INPP4A: variants seen among roughly 807,000 people sequenced by gnomAD.
INPP4A encodes the protein inositol polyphosphate-4-phosphatase type I A.
INPP4A carries 33 observed loss-of-function variants against 119.8 expected under a neutral mutation model. The ratio of observed to expected loss-of-function variants is 0.28; its 90% CI spans 0.21 to 0.37. The LOEUF (loss-of-function observed/expected upper bound fraction) is 0.37. INPP4A is among the 10% of genes least tolerant of loss of function. The pLI, the probability that INPP4A is intolerant of heterozygous loss-of-function variation, is 1.00. For synonymous variants in INPP4A, 496 were observed against 500.7 expected (o/e 0.99, Z 0.12); for missense variants, 956 against 1,289.9 (o/e 0.74, Z 3.97).
intron 1 of INPP4A, among the ~76,000 whole-genome samples, chr2:98,460,224 A>G (rs747814832): frequency 3.9e-5 from 6 of 152,146 alleles, no homozygotes; most frequent in Non-Finnish European, 7.4e-5. Flanking sequence ...AGAGAAGCCT[A>G]GTAGGGTAGG....
chr2:98,509,615 G>A (rs1684752973), intron 1 of INPP4A, among the ~76,000 whole-genome samples: 1 of 152,228 alleles, frequency 6.6e-6, no homozygotes, highest in African/African-American at 2.4e-5. Flanking sequence ...TGAAGAAAGA[G>A]TGGCTGAAGT....
intron 1 of INPP4A, among the ~76,000 whole-genome samples, chr2:98,498,568 C>T (rs548876151): frequency 6.6e-6 from 1 of 151,898 alleles, no homozygotes; most frequent in Non-Finnish European, 1.5e-5. Flanking sequence ...GCAACACTCA[C>T]CAATTCAGGT....
intron 1 of INPP4A, among the ~76,000 whole-genome samples, chr2:98,492,051 A>G (rs1430339200): frequency 6.6e-6 from 1 of 152,052 alleles, no homozygotes; most frequent in African/African-American, 2.4e-5. Flanking sequence ...CACCATGCCC[A>G]GCTAATTTTT....
At chr2:98,524,024 G>A (rs542995933) in intron 4 of INPP4A, among the ~76,000 whole-genome samples, 1 of 152,076 alleles carries the variant, frequency 6.6e-6, no homozygotes, top group Non-Finnish European at 1.5e-5. Context: ...GGATCTGCTT[G>A]ATCATTTTAA....
chr2:98,460,679 C>T (rs1045897699), intron 1 of INPP4A, among the ~76,000 whole-genome samples: 2 of 152,210 alleles, frequency 1.3e-5, no homozygotes, highest in Non-Finnish European at 2.9e-5. Flanking sequence ...TGTCTCCGCT[C>T]TGTGTTGGCT....
intron 1 of INPP4A, among the ~76,000 whole-genome samples, chr2:98,513,413 G>T (rs1185946522): frequency 6.6e-6 from 1 of 152,200 alleles, no homozygotes; most frequent in Non-Finnish European, 1.5e-5. Context: ...ATTAAAAGTT[G>T]ATTCATAGCA....
In INPP4A at chr2:98,555,543, G is replaced by T. The variant is rs765317242; in HGVS notation, c.1567-10G>T. ...AGAGCTGACCCACATGGGCCCCTTT[G>T]ATTTGGAAGGAGAAAGTGTGGCTGA... On this transcript the variant is annotated splice_polypyrimidine_tract_variant and intron_variant, in intron 15 of 24. Coordinates refer to ENST00000409851, the MANE Select transcript of INPP4A (RefSeq NM_001134225.2). The T allele has an allele frequency of 1.9e-6, 3 of 1,588,944 alleles. No homozygotes were observed. The highest frequency in any genetic ancestry group is 2.2e-5 in the East Asian group (1 of 44,542).
rs1002778449 is a variant in INPP4A at position 98,554,463 on chromosome 2, C to A, written c.1540C>A (p.Gln514Lys). 1 of 1,613,660 alleles carries A rather than the reference C, an allele frequency of 6.2e-7. No homozygotes were observed. The highest frequency in any genetic ancestry group is 8.5e-7 in the Non-Finnish European group (1 of 1,179,840). Residue 514 changes from glutamine to lysine, a missense_variant, in exon 15 of 25, where the codon CAG becomes AAG. Physicochemically the swap from Gln to Lys is moderately conservative, Grantham distance 53. Transcript: ENST00000409851. The surrounding 1 kb of genome is among the most constrained non-coding windows in gnomAD (Gnocchi z 4.7). ...AGGGAGAAACAGCCGATCTTCCCTG[C>A]AGGTGGACTGGCACGAGGAGGAGTG... ...WTGRNSRSSL[Q>K]VDWHEEEWEK...
At chr2:98,469,042 C>G (rs562342422) in intron 1 of INPP4A, among the ~76,000 whole-genome samples, 1 of 152,312 alleles carries the variant, frequency 6.6e-6, no homozygotes, top group East Asian at 1.9e-4. Context: ...CTGTACCTTA[C>G]CATCACCTAG....
intron 1 of INPP4A, among the ~76,000 whole-genome samples, chr2:98,507,178 T>C (rs1430560870): frequency 6.6e-6 from 1 of 152,222 alleles, no homozygotes; most frequent in Non-Finnish European, 1.5e-5. Context: ...GAGGATGTAG[T>C]GTCAAGGTTA....
At chr2:98,444,767 T>A (rs1693854636), upstream of INPP4A, 1 of 149,968 alleles carries the variant, frequency 6.7e-6, no homozygotes, top group East Asian at 2.0e-4. Flanking sequence ...CAGCTCGGGC[T>A]GGTAGTGGGG....
chr2:98,523,727 T>A (rs1687677486), intron 4 of INPP4A, among the ~76,000 whole-genome samples: 1 of 152,184 alleles, frequency 6.6e-6, no homozygotes, highest in Non-Finnish European at 1.5e-5. Flanking sequence ...GAGTGGGAGC[T>A]GGATTATTGA....
Position 98,546,742 on chromosome 2 carries a change from T to G in INPP4A, c.1163+48T>G, listed in dbSNP as rs375967002. 1.8e-6 allele frequency: 2 copies of G among 1,132,592 alleles called. No homozygotes were observed. Among genetic ancestry groups the G allele is most frequent in the African/African-American group, 1.5e-5 (1 of 65,050 alleles). The allele number at this position is 1,132,592 out of a possible 1,614,324, so 70.2% of individuals were successfully genotyped here. A position where few individuals can be genotyped will look rare whatever the true frequency, so the allele number is the denominator to read the frequency against. On this transcript the variant is annotated intron_variant, in intron 13 of 24. Transcript: ENST00000409851. The surrounding 1 kb of genome is among the most constrained non-coding windows in gnomAD (Gnocchi z 4.2). ...TGGTCCTTGTACAGCTTTCTGATGC[T>G]TCTTTTCTCAGTTTAAAATAAAATC...
intron 4 of INPP4A, among the ~76,000 whole-genome samples, chr2:98,530,049 C>A (rs1250446893): frequency 6.6e-6 from 1 of 152,098 alleles, no homozygotes; most frequent in East Asian, 1.9e-4. Context: ...CAGAAGAATT[C>A]TTTCCAGAGG....
intron 1 of INPP4A, among the ~76,000 whole-genome samples, chr2:98,488,564 C>T (rs1037449221): frequency 6.6e-6 from 1 of 152,200 alleles, no homozygotes; most frequent in Non-Finnish European, 1.5e-5. Flanking sequence ...GTCACTCACC[C>T]TCTCACCAGC....
In INPP4A at chr2:98,566,170, G is replaced by GTGC; in HGVS notation, c.2420+2_2420+4dup. ...ATGAGCAGCAGACACTGGCCGAGAGGTGCGTGCCGGCTCCTCGGGGCTGCG... is the reference window on the plus strand; with the variant it reads ...ATGAGCAGCAGACACTGGCCGAGAGGTGCTGCGTGCCGGCTCCTCGGGGCTGCG... On this transcript the variant is annotated splice_donor_variant, in intron 21 of 24. Transcript: ENST00000409851. LOFTEE classifies it high-confidence loss of function. This position sits in a 1 kb window ranked among gnomAD's most constrained non-coding sequence, Gnocchi z 4.2. 6.3e-7 allele frequency: 1 copy of GTGC among 1,584,970 alleles called. No individual in the cohort carries two copies. The highest frequency in any genetic ancestry group is 8.6e-7 in the Non-Finnish European group (1 of 1,161,958).
intron 11 of INPP4A, 31 bp downstream of exon 11, chr2:98,544,038 C>T (rs370532915): frequency 2.6e-5 from 40 of 1,534,056 alleles, no homozygotes; most frequent in Admixed American, 4.0e-5. Context: ...TCACCACACA[C>T]GCGTGCGCAC....
At chr2:98,522,534 T>C (rs1687416005) in intron 4 of INPP4A, among the ~76,000 whole-genome samples, 1 of 151,760 alleles carries the variant, frequency 6.6e-6, no homozygotes, top group Non-Finnish European at 1.5e-5. Flanking sequence ...GAAATAGAAA[T>C]GGAAATTTTG....
chr2:98,552,782 C>G lies in INPP4A; in HGVS notation c.1164-4C>G. On this transcript the variant is annotated splice_polypyrimidine_tract_variant and splice_region_variant and intron_variant, in intron 13 of 24. Transcript: ENST00000409851. The stretch of plus-strand genomic sequence containing the variant: ...CCCTTAGAATCCATTCTTATCCTTT[C>G]CAGTACATCATCTGGCTGCCAGTCC... 3 of 1,608,338 alleles carry G rather than the reference C, an allele frequency of 1.9e-6. No homozygotes were observed. The highest frequency in any genetic ancestry group is 2.2e-5 in the South Asian group (2 of 90,878).
Sources: gnomAD v4.1 joint callset for allele counts (sites outside exome capture counted in the v4.1 genomes callset) on GRCh38, gnomAD v4.1.1 for gene constraint, Gnocchi (gnomAD v3.1) non-coding constraint, MANE v1.5 for transcripts, NCBI Gene and HGNC (gene_info 2026-07-23, HGNC 2026-07-21) for gene names.